Variants in PPA2 observed in about 807,000 individuals in gnomAD.
PPA2 encodes the protein inorganic pyrophosphatase 2, mitochondrial.
In PPA2, 48 loss-of-function variants were observed where a neutral mutation model predicts 49.5. The observed-to-expected ratio is 0.97, with a 90% CI of 0.77 to 1.23. The LOEUF is 1.23. Among genes scored for constraint, PPA2 ranks in the 50% most tolerant of loss-of-function variants. The pLI, the probability that PPA2 is intolerant of heterozygous loss-of-function variation, is 0.00. For missense variants in PPA2, 429 were observed against 410.1 expected (o/e 1.05, Z -0.40); for synonymous variants, 131 against 139.9 (o/e 0.94, Z 0.45).
intron 7 of PPA2, among the ~76,000 whole-genome samples, chr4:105,407,810 A>G (rs926687880): frequency 6.6e-6 from 1 of 152,224 alleles, no homozygotes; most frequent in Non-Finnish European, 1.5e-5. Context: ...TGTGACAGAA[A>G]GTAAATCAGT....
chr4:105,425,765 CA>C (rs1225886412), intron 6 of PPA2, among the ~76,000 whole-genome samples: 4,924 of 150,066 alleles, frequency 0.033, 259 homozygotes, highest in African/African-American at 0.11. Flanking sequence ...CACACACACC[CA>C]TCAGAATAAA....
At chr4:105,402,078 A>G (rs925964571) in intron 7 of PPA2, among the ~76,000 whole-genome samples, 3 of 152,206 alleles carry the variant, frequency 2.0e-5, no homozygotes, top group African/African-American at 7.2e-5. Context: ...ATGTTCTGAA[A>G]GAATTCAATA....
intron 9 of PPA2, among the ~76,000 whole-genome samples, chr4:105,394,063 G>C (rs1734033044): frequency 6.6e-6 from 1 of 152,030 alleles, no homozygotes; most frequent in Non-Finnish European, 1.5e-5. Flanking sequence ...AAAGAACATA[G>C]CTATTAACAG....
At chr4:105,397,127 T>C (rs1430099461) in intron 8 of PPA2, among the ~76,000 whole-genome samples, 3 of 152,218 alleles carry the variant, frequency 2.0e-5, no homozygotes, top group Admixed American at 6.5e-5. Context: ...TTGTTTGTTT[T>C]CCTTAAGGAG....
chr4:105,472,582 A>ATGG (rs1392806052), intron 1 of PPA2, among the ~76,000 whole-genome samples: 2 of 152,212 alleles, frequency 1.3e-5, no homozygotes, highest in Non-Finnish European at 2.9e-5. Context: ...CTTTTAGAAC[A>ATGG]TAATCCATTC....
At chr4:105,432,212 A>C (rs2636719) in intron 6 of PPA2, among the ~76,000 whole-genome samples, 145,813 of 152,286 alleles carry the variant, frequency 0.96, 69,957 homozygotes, top group African/African-American at 0.99. Flanking sequence ...TCCTGAAACT[A>C]TGTTATCATT....
intron 10 of PPA2, among the ~76,000 whole-genome samples, chr4:105,377,499 C>T (rs1733305233): frequency 6.6e-6 from 1 of 151,942 alleles, no homozygotes; most frequent in Admixed American, 6.6e-5. Context: ...GATTTGGACT[C>T]AGATAATCTG....
chr4:105,473,581 T>C (rs764816753), intron 1 of PPA2: 77 of 559,288 alleles, frequency 1.4e-4, no homozygotes, highest in Non-Finnish European at 2.2e-4. Flanking sequence ...CGCCGCGGGG[T>C]GGCCGCTTGC....
chr4:105,369,905 C>T (rs1489529806), intron 11 of PPA2, 152 bp from the exon 12 acceptor site: 3 of 721,962 alleles, frequency 4.2e-6, no homozygotes, highest in Non-Finnish European at 6.9e-6. Flanking sequence ...CTATTTAAAG[C>T]TATTTCCCTT....
intron 1 of PPA2, 44 bp from the exon 2 acceptor site, chr4:105,456,789 T>C (rs750937450): frequency 8.8e-6 from 13 of 1,478,016 alleles, no homozygotes; most frequent in South Asian, 6.0e-5. Flanking sequence ...ATTAAAGCAA[T>C]AGACACATTG....
chr4:105,374,463 T>A (rs1304527465), intron 10 of PPA2, among the ~76,000 whole-genome samples: 1 of 152,232 alleles, frequency 6.6e-6, no homozygotes, highest in Non-Finnish European at 1.5e-5. Context: ...CTTCTCATTA[T>A]CTTTATATCT....
intron 1 of PPA2, among the ~76,000 whole-genome samples, chr4:105,459,020 TACCTAGC>T (rs1455394038): frequency 6.6e-6 from 1 of 152,106 alleles, no homozygotes; most frequent in African/African-American, 2.4e-5. Context: ...TCTGGGAAAG[TACCTAGC>T]ACTTAATAGG....
intron 9 of PPA2, among the ~76,000 whole-genome samples, chr4:105,394,079 G>A (rs556624268): frequency 7.2e-5 from 11 of 152,084 alleles, no homozygotes; most frequent in African/African-American, 2.4e-4. Flanking sequence ...AACAGAGTAA[G>A]GTTTAGGCCA....
intron 10 of PPA2, among the ~76,000 whole-genome samples, chr4:105,379,695 G>A (rs1046032974): frequency 4.0e-5 from 6 of 149,352 alleles, no homozygotes; most frequent in Non-Finnish European, 8.9e-5. Flanking sequence ...GTGCAGTGGC[G>A]CGATCTCGGC....
At chr4:105,468,919 C>T (rs1723414833) in intron 1 of PPA2, among the ~76,000 whole-genome samples, 1 of 152,218 alleles carries the variant, frequency 6.6e-6, no homozygotes, top group Non-Finnish European at 1.5e-5. Flanking sequence ...ACACCCACAA[C>T]CTCTCTGAGG....
chr4:105,370,911 A>G, intron 10 of PPA2, 38 bp from the exon 11 acceptor site: 1 of 1,434,796 alleles, frequency 7.0e-7, no homozygotes, highest in Non-Finnish European at 9.2e-7. Context: ...CTGTTACAAT[A>G]AATATTTATA....
At chr4:105,403,904 T>C (rs1325577336) in intron 7 of PPA2, among the ~76,000 whole-genome samples, 1 of 129,992 alleles carries the variant, frequency 7.7e-6, no homozygotes, top group Admixed American at 7.3e-5. Context: ...CTTTCTACTC[T>C]TTTTTTTTTT....
chr4:105,474,053 C>G lies in PPA2; in HGVS notation c.-3G>C. On this transcript the variant is annotated 5_prime_UTR_variant, in exon 1 of 12. Transcript: ENST00000341695. ...AGCAGCCGCAGCAGCGCGCTCATGG[C>G]GTCAATGACGGTCCTGCTGTGCGCG... 1.9e-6 allele frequency: 3 copies of G among 1,574,276 alleles called. No homozygotes were observed. The highest frequency in any genetic ancestry group is 2.6e-6 in the Non-Finnish European group (3 of 1,159,122).
At chr4:105,429,984 C>T (rs551895917) in intron 6 of PPA2, among the ~76,000 whole-genome samples, 33 of 152,320 alleles carry the variant, frequency 2.2e-4, no homozygotes, top group Middle Eastern at 3.4e-3. Flanking sequence ...GTGAGGTTCC[C>T]TCAAGCTGCC....
Sources: gnomAD v4.1 joint callset for allele counts (sites outside exome capture counted in the v4.1 genomes callset) on GRCh38, gnomAD v4.1.1 for gene constraint, MANE v1.5 for transcripts, NCBI Gene and HGNC (gene_info 2026-07-23, HGNC 2026-07-21) for gene names.